CAMTA1: variants seen among roughly 807,000 people sequenced by gnomAD.
The protein encoded by CAMTA1 is calmodulin binding transcription activator 1, also known as calmodulin-binding transcription activator 1.
Under a neutral mutation model 170.9 loss-of-function variants are expected in CAMTA1, and 27 were observed. That is an observed-to-expected ratio of 0.16 (90% CI 0.12 to 0.22). The LOEUF is 0.22. Ranked by LOEUF, CAMTA1 falls within the 10% of genes least tolerant of loss-of-function variation. The pLI, the probability that CAMTA1 is intolerant of heterozygous loss-of-function variation, is 1.00. For synonymous variants in CAMTA1, 833 were observed against 891.5 expected, an observed-to-expected ratio of 0.93 and a Z score of 1.17; for missense variants, 1,619 against 2,217.2, an observed-to-expected ratio of 0.73 and a Z score of 5.42.
In CAMTA1 at chr1:6,965,257, G is replaced by A. The variant is rs753137731; in HGVS notation, c.235-126047G>A. Among the ~76,000 whole-genome samples the A allele has an allele frequency of 8.5e-5, 13 of 152,148 alleles. No homozygotes were observed. The highest frequency in any genetic ancestry group is 1.0e-4 in the Non-Finnish European group (7 of 68,026). ...TGCATGTGTGCATGTGTGTGGGCAC[G>A]TGCTCCTGGGGGCATGCACATGTTT... On this transcript the variant is annotated intron_variant, in intron 3 of 22. Transcript: ENST00000303635. This position sits in a 1 kb window ranked among gnomAD's most constrained non-coding sequence, Gnocchi z 4.1.
chr1:7,509,754 C>T (rs1193178), intron 6 of CAMTA1, among the ~76,000 whole-genome samples: 94,801 of 151,922 alleles, frequency 0.62, 31,119 homozygotes, highest in Middle Eastern at 0.73. Context: ...GACATCCAGT[C>T]GGCCTACAAC....
chr1:7,554,403 T>C (rs2094848690), intron 6 of CAMTA1, among the ~76,000 whole-genome samples: 1 of 152,122 alleles, frequency 6.6e-6, no homozygotes, highest in Non-Finnish European at 1.5e-5. Context: ...CCACTTGCCT[T>C]ACATGCTGCG....
rs74055163 is a variant in CAMTA1, at chr1:7,596,365, G to C, written c.511-44035G>C. 9.7e-3 allele frequency among the ~76,000 whole-genome samples: 1,479 copies of C among 152,362 alleles called. 31 individuals carry two copies. Among genetic ancestry groups the C allele is most frequent in the African/African-American group, 0.034 (1,398 of 41,578 alleles). On this transcript the variant is annotated intron_variant, in intron 6 of 22. Coordinates refer to ENST00000303635, the MANE Select transcript of CAMTA1 (RefSeq NM_015215.4). ...GCTGGATCTTGGGAACAAGGGATCAGCTCAGAAGATATAGTTTGACTCAGG... is the reference window on the plus strand; with the variant it reads ...GCTGGATCTTGGGAACAAGGGATCACCTCAGAAGATATAGTTTGACTCAGG...
intron 6 of CAMTA1, among the ~76,000 whole-genome samples, chr1:7,631,713 C>T (rs181897091): frequency 5.1e-4 from 77 of 152,314 alleles, no homozygotes; most frequent in African/African-American, 1.8e-3. Context: ...CAGGCGCCCG[C>T]GTGCCCTGGC....
At chr1:7,513,409 G>A (rs956556080) in intron 6 of CAMTA1, among the ~76,000 whole-genome samples, 1 of 152,158 alleles carries the variant, frequency 6.6e-6, no homozygotes, top group Non-Finnish European at 1.5e-5. Context: ...CGTAGACTGG[G>A]CAGCTTAAAC....
At chr1:7,126,252 A>T (rs1278660672) in intron 4 of CAMTA1, among the ~76,000 whole-genome samples, 3 of 152,094 alleles carry the variant, frequency 2.0e-5, no homozygotes, top group African/African-American at 7.2e-5. Context: ...GAACCATGTC[A>T]CCCAGCAGTC....
chr1:6,876,383 C>T (rs574712557), intron 3 of CAMTA1, among the ~76,000 whole-genome samples: 6 of 149,008 alleles, frequency 4.0e-5, no homozygotes, highest in African/African-American at 1.2e-4. Context: ...TTTTTTGAGA[C>T]GGAGTTTTGC....
At chr1:7,499,612 G>A (rs2093938737) in intron 6 of CAMTA1, among the ~76,000 whole-genome samples, 2 of 142,404 alleles carry the variant, frequency 1.4e-5, no homozygotes, top group Non-Finnish European at 3.0e-5. Context: ...ATGAGTGTGT[G>A]TGTGCATGAG....
rs1399726548 is a variant in CAMTA1 at position 6,959,486 on chromosome 1, CGGTGTACCGGGTCCCGGGCAG to C, written c.235-131815_235-131795del. Among the ~76,000 whole-genome samples, 3 of 140,616 alleles carry C rather than the reference CGGTGTACCGGGTCCCGGGCAG, an allele frequency of 2.1e-5. No individual in the cohort carries two copies. In the East Asian group the frequency reaches 7.6e-4, roughly 36 times the overall value. 92.2% of individuals were successfully genotyped at this position (140,616 alleles called of 152,430 possible). A position where few individuals can be genotyped will look rare whatever the true frequency, so the allele number is the denominator to read the frequency against. On this transcript the variant is annotated intron_variant, in intron 3 of 22. Transcript: ENST00000303635. ...CAGTCAGTGTTTCCCGGGTGCCTACCGGTGTACCGGGTCCCGGGCAGGGGATGGTGGGGCCGCAAGTGCCAG... is the reference window on the plus strand; with the variant it reads ...CAGTCAGTGTTTCCCGGGTGCCTACCGGGATGGTGGGGCCGCAAGTGCCAG...
At chr1:7,223,446 TG>T (rs1393721545) in intron 4 of CAMTA1, among the ~76,000 whole-genome samples, 1 of 151,810 alleles carries the variant, frequency 6.6e-6, no homozygotes, top group Non-Finnish European at 1.5e-5. Flanking sequence ...TCTTGAGAAA[TG>T]GATACTAGGG....
At chr1:7,351,235 G>A (rs1236845904) in intron 5 of CAMTA1, among the ~76,000 whole-genome samples, 4 of 152,246 alleles carry the variant, frequency 2.6e-5, no homozygotes, top group Non-Finnish European at 5.9e-5. Flanking sequence ...GATGTCTGAG[G>A]AATGCCTTTC....
chr1:6,903,358 C>A, intron 3 of CAMTA1, among the ~76,000 whole-genome samples: 1 of 152,210 alleles, frequency 6.6e-6, no homozygotes. Flanking sequence ...ACTCATCCAG[C>A]AGATGAAGAT....
At chr1:7,601,823 C>T (rs959882391) in intron 6 of CAMTA1, among the ~76,000 whole-genome samples, 12 of 152,200 alleles carry the variant, frequency 7.9e-5, no homozygotes, top group East Asian at 1.9e-4. Flanking sequence ...CGCCTGCAAT[C>T]GCAGGCACTC....
chr1:7,441,167 A>G (rs537402135), intron 5 of CAMTA1: 1 of 152,264 alleles, frequency 6.6e-6, no homozygotes, highest in South Asian at 2.1e-4. Context: ...TGTAATTCAA[A>G]CTAATAAGTT....
At position 6,799,036 on chromosome 1, in the gene CAMTA1, A is replaced by G. The variant is rs186413475; in HGVS notation, c.45+13461A>G. On this transcript the variant is annotated intron_variant, in intron 1 of 22. Transcript: ENST00000303635. Reference sequence around the variant, plus strand: ...TCCCAGCTCAAACTCTTTCCTTTTTACTATTTATTTATTATTTATTTATTC... The same window carrying G: ...TCCCAGCTCAAACTCTTTCCTTTTTGCTATTTATTTATTATTTATTTATTC... 8.6e-5 allele frequency among the ~76,000 whole-genome samples: 13 copies of G among 152,026 alleles called. No homozygotes were observed. In the East Asian group the frequency reaches 2.5e-3, roughly 29 times the overall value.
chr1:7,175,146 GCA>G (rs1205414371), intron 4 of CAMTA1, among the ~76,000 whole-genome samples: 1 of 152,142 alleles, frequency 6.6e-6, no homozygotes, highest in Non-Finnish European at 1.5e-5. Flanking sequence ...ATGTGCCCAA[GCA>G]CACACTTGGA....
At chr1:7,214,320 A>T (rs1485033295) in intron 4 of CAMTA1, among the ~76,000 whole-genome samples, 3 of 152,178 alleles carry the variant, frequency 2.0e-5, no homozygotes, top group African/African-American at 4.8e-5. Flanking sequence ...GTGAGATGGT[A>T]TCTCATTGTG....
intron 22 of CAMTA1, among the ~76,000 whole-genome samples, chr1:7,759,859 A>G (rs1301838288): frequency 6.6e-6 from 1 of 152,232 alleles, no homozygotes; most frequent in Non-Finnish European, 1.5e-5. Context: ...TCTAGACAGA[A>G]AATGTCTTTC....
intron 4 of CAMTA1, among the ~76,000 whole-genome samples, chr1:7,130,769 T>C (rs1315111206): frequency 6.6e-6 from 1 of 152,226 alleles, no homozygotes; most frequent in Non-Finnish European, 1.5e-5. Context: ...TCTCCAACTG[T>C]TTGTCTGTTT....
Sources: allele counts gnomAD v4.1 joint callset (sites outside exome capture counted in the v4.1 genomes callset), GRCh38; gene constraint gnomAD v4.1.1; non-coding constraint Gnocchi (gnomAD v3.1); transcripts MANE v1.5; gene names NCBI Gene and HGNC (gene_info 2026-07-23, HGNC 2026-07-21).